ST6GALNAC3: variants seen among roughly 807,000 people sequenced by gnomAD.
ST6GALNAC3 encodes the protein alpha-N-acetylgalactosaminide alpha-2,6-sialyltransferase 3.
A neutral mutation model predicts 32.7 loss-of-function variants in ST6GALNAC3; 25 were observed. The observed-to-expected ratio is 0.76, with a 90% confidence interval of 0.56 to 1.07. The LOEUF (loss-of-function observed/expected upper bound fraction) is 1.07. ST6GALNAC3 is among the 50% of genes least tolerant of loss of function. The pLI is 0.00. For missense variants in ST6GALNAC3, 355 were observed against 382.4 expected (o/e 0.93, Z 0.60); for synonymous variants, 129 against 133.1 (o/e 0.97, Z 0.21).
At chr1:76,476,170 T>C (rs200709958) in intron 3 of ST6GALNAC3, among the ~76,000 whole-genome samples, 4 of 152,336 alleles carry the variant, frequency 2.6e-5, no homozygotes, top group Middle Eastern at 3.4e-3. Context: ...GCTACTTATT[T>C]TTTTTCTTCA....
chr1:76,155,615 C>T (rs1429187713), intron 1 of ST6GALNAC3, among the ~76,000 whole-genome samples: 1 of 151,526 alleles, frequency 6.6e-6, no homozygotes, highest in Non-Finnish European at 1.5e-5. Flanking sequence ...CGACAGGCGC[C>T]CGCCACTACG....
intron 1 of ST6GALNAC3, among the ~76,000 whole-genome samples, chr1:76,269,645 A>G (rs1658725317): frequency 6.6e-6 from 1 of 152,236 alleles, no homozygotes; most frequent in South Asian, 2.1e-4. Flanking sequence ...GTATCCAGTT[A>G]TAATGGAACT....
At chr1:76,101,921 G>A (rs756983727) in intron 1 of ST6GALNAC3, among the ~76,000 whole-genome samples, 31 of 152,180 alleles carry the variant, frequency 2.0e-4, no homozygotes, top group Middle Eastern at 3.4e-3. Context: ...TTTTATACGT[G>A]TTTGCTATGT....
chr1:76,351,684 A>T (rs1648987259), intron 2 of ST6GALNAC3, among the ~76,000 whole-genome samples: 1 of 152,178 alleles, frequency 6.6e-6, no homozygotes, highest in Non-Finnish European at 1.5e-5. Flanking sequence ...TATGAGAAGT[A>T]GGATAATCAT....
intron 2 of ST6GALNAC3, among the ~76,000 whole-genome samples, chr1:76,346,269 T>TA (rs1648503660): frequency 6.6e-6 from 1 of 152,128 alleles, no homozygotes; most frequent in African/African-American, 2.4e-5. Flanking sequence ...ACCAGGTAAG[T>TA]AAATTTTCCA....
At chr1:76,591,936 G>T (rs747316439) in intron 3 of ST6GALNAC3, among the ~76,000 whole-genome samples, 3 of 152,186 alleles carry the variant, frequency 2.0e-5, no homozygotes, top group Admixed American at 6.5e-5. Context: ...GGCACGGAAA[G>T]AAGTTCTGTG....
chr1:76,074,944 C>T, intron 1 of ST6GALNAC3, 60 bp downstream of exon 1: 1 of 1,562,540 alleles, frequency 6.4e-7, no homozygotes, highest in Non-Finnish European at 8.7e-7. Flanking sequence ...TGCTCAGAGG[C>T]ACGGAGTCAG....
At chr1:76,455,284 A>T (rs4353143) in intron 3 of ST6GALNAC3, among the ~76,000 whole-genome samples, 2,767 of 151,380 alleles carry the variant, frequency 0.018, 78 homozygotes, top group African/African-American at 0.065. Flanking sequence ...TTGACATTTG[A>T]CTTTCATTTT....
intron 3 of ST6GALNAC3, among the ~76,000 whole-genome samples, chr1:76,605,090 C>G (rs1376871833): frequency 6.6e-6 from 1 of 152,000 alleles, no homozygotes; most frequent in Non-Finnish European, 1.5e-5. Context: ...TGGAGAGCCT[C>G]CAGAGACTCT....
chr1:76,587,079 A>C (rs1368611035), intron 3 of ST6GALNAC3, among the ~76,000 whole-genome samples: 1 of 152,250 alleles, frequency 6.6e-6, no homozygotes. Flanking sequence ...TTTCTGCTAT[A>C]TTCCAGACAC....
intron 3 of ST6GALNAC3, among the ~76,000 whole-genome samples, chr1:76,432,988 A>T (rs953958697): frequency 6.6e-6 from 1 of 151,848 alleles, no homozygotes; most frequent in Non-Finnish European, 1.5e-5. Flanking sequence ...TGTGACAAAA[A>T]CCTTTTGCCA....
chr1:76,365,797 A>C (rs1388694033), intron 2 of ST6GALNAC3, among the ~76,000 whole-genome samples: 1 of 152,168 alleles, frequency 6.6e-6, no homozygotes, highest in East Asian at 1.9e-4. Flanking sequence ...CCCTGTCTCT[A>C]ATTTTCTGAA....
chr1:76,604,693 C>T (rs1366409622), intron 3 of ST6GALNAC3, among the ~76,000 whole-genome samples: 1 of 152,142 alleles, frequency 6.6e-6, no homozygotes, highest in East Asian at 1.9e-4. Flanking sequence ...AGCTATGATC[C>T]CACAGACATT....
At chr1:76,361,607 TA>T (rs1427128480) in intron 2 of ST6GALNAC3, among the ~76,000 whole-genome samples, 3 of 152,194 alleles carry the variant, frequency 2.0e-5, no homozygotes, top group African/African-American at 7.2e-5. Flanking sequence ...GAAGGAAGAA[TA>T]TTTTTATACA....
At chr1:76,325,328 T>G (rs1296527287) in intron 2 of ST6GALNAC3, among the ~76,000 whole-genome samples, 1 of 152,200 alleles carries the variant, frequency 6.6e-6, no homozygotes, top group African/African-American at 2.4e-5. Context: ...ATTCCTGTCC[T>G]CTTTAAGAAG....
intron 3 of ST6GALNAC3, among the ~76,000 whole-genome samples, chr1:76,512,207 A>G (rs1015407240): frequency 5.9e-5 from 9 of 152,172 alleles, no homozygotes; most frequent in African/African-American, 2.2e-4. Flanking sequence ...ATTTACTACT[A>G]TGAAAAAAAT....
chr1:76,446,806 C>T (rs1382563119), intron 3 of ST6GALNAC3, among the ~76,000 whole-genome samples: 3 of 152,184 alleles, frequency 2.0e-5, no homozygotes, highest in African/African-American at 4.8e-5. Flanking sequence ...ATTTGCTCCT[C>T]CTTGCCTTCC....
At chr1:76,116,466 G>A (rs1648485476) in intron 1 of ST6GALNAC3, among the ~76,000 whole-genome samples, 2 of 152,268 alleles carry the variant, frequency 1.3e-5, no homozygotes, top group South Asian at 4.2e-4. Context: ...CAGCCACGTT[G>A]TTTTAAGCTA....
intron 1 of ST6GALNAC3, among the ~76,000 whole-genome samples, chr1:76,168,659 G>A (rs1652281565): frequency 6.6e-6 from 1 of 152,282 alleles, no homozygotes; most frequent in Middle Eastern, 3.4e-3. Flanking sequence ...CCTGTGTTGG[G>A]TGTATATCTA....
Sources: allele counts gnomAD v4.1 joint callset (sites outside exome capture counted in the v4.1 genomes callset), GRCh38; gene constraint gnomAD v4.1.1; transcripts MANE v1.5; gene names NCBI Gene and HGNC (gene_info 2026-07-23, HGNC 2026-07-21).